Variants in SUPT6H observed in about 807,000 individuals in gnomAD.
SUPT6H encodes transcription elongation factor SPT6.
Under a neutral mutation model 222.3 loss-of-function variants are expected in SUPT6H, and 11 were observed. The ratio of observed to expected loss-of-function variants is 0.05; its 90% CI spans 0.03 to 0.08. The LOEUF (loss-of-function observed/expected upper bound fraction) is 0.08. SUPT6H is among the 10% of genes least tolerant of loss of function. SUPT6H has a pLI of 1.00. For missense variants in SUPT6H, 1,422 were observed against 2,216.0 expected (o/e 0.64, Z 7.19); for synonymous variants, 762 against 801.2 (o/e 0.95, Z 0.83).
intron 3 of SUPT6H, 22 bp downstream of exon 3, chr17:28,674,463 C>G (rs1358786784): frequency 6.2e-7 from 1 of 1,614,158 alleles, no homozygotes; most frequent in Non-Finnish European, 8.5e-7. Flanking sequence ...GTCGTTGGCT[C>G]AAGTGAGGCT....
intron 6 of SUPT6H, among the ~76,000 whole-genome samples, chr17:28,675,687 T>C (rs753939726): frequency 1.7e-4 from 26 of 152,366 alleles, no homozygotes; most frequent in Middle Eastern, 6.8e-3. Context: ...CTAGGACTAC[T>C]GTGGGATTGG....
chr17:28,663,828 A>ATTTTTTCTTTTTTT (rs2072113996), intron 1 of SUPT6H, among the ~76,000 whole-genome samples: 1 of 38,374 alleles, frequency 2.6e-5, no homozygotes, highest in African/African-American at 9.6e-5. Context: ...TGCCCACTCC[A>ATTTTTTCTTTTTTT]TTTTTTTTTT....
At chr17:28,678,402 C>A in intron 9 of SUPT6H, 143 bp from the exon 10 acceptor site, 2 of 898,220 alleles carry the variant, frequency 2.2e-6, no homozygotes, top group South Asian at 1.5e-5. Flanking sequence ...AAGCACCAGG[C>A]CCTGGAAGGG....
At chr17:28,675,541 AAGG>A in intron 6 of SUPT6H, 56 bp downstream of exon 6, 8 of 1,591,412 alleles carry the variant, frequency 5.0e-6, no homozygotes, top group South Asian at 1.1e-5. Context: ...CCCAGTCAGG[AAGG>A]AGGAGATCAG....
chr17:28,676,440 C>T lies in SUPT6H; in HGVS notation c.897+10C>T, dbSNP rs1449821369. The T allele has an allele frequency of 1.2e-6, 2 of 1,613,344 alleles. No individual in the cohort carries two copies. Among genetic ancestry groups the T allele is most frequent in the South Asian group, 1.1e-5 (1 of 91,054 alleles). ...GCCTGAGAGGTTCCAGGTAAAAAAC[C>T]ACCAGCCTCTGCTCTTCTACCAATC... On this transcript the variant is annotated intron_variant, in intron 7 of 36. Coordinates refer to ENST00000314616, the MANE Select transcript of SUPT6H (RefSeq NM_003170.5).
At chr17:28,678,339 G>T in intron 9 of SUPT6H, 147 bp downstream of exon 9, 1 of 864,484 alleles carries the variant, frequency 1.2e-6, no homozygotes. Flanking sequence ...AGACCCTAGT[G>T]ATCGTAAGAA....
At chr17:28,692,010 C>T (rs2031677764) in intron 27 of SUPT6H, among the ~76,000 whole-genome samples, 1 of 151,444 alleles carries the variant, frequency 6.6e-6, no homozygotes, top group Admixed American at 6.6e-5. Flanking sequence ...ATAGCAAGAC[C>T]CCATCTCCTT....
At chr17:28,683,205 C>G in intron 15 of SUPT6H, 63 bp from the exon 16 acceptor site, 1 of 1,585,288 alleles carries the variant, frequency 6.3e-7, no homozygotes, top group Non-Finnish European at 8.6e-7. Flanking sequence ...GAAAGGCTGT[C>G]TTTTCTCCTG....
chr17:28,699,977 C>G (rs2032066864), intron 33 of SUPT6H, 84 bp downstream of exon 33: 1 of 1,429,402 alleles, frequency 7.0e-7, no homozygotes, highest in African/African-American at 1.4e-5. Context: ...CCTAGGGGAC[C>G]AGGTGAGGAG....
Position 28,688,046 on chromosome 17 carries a change from T to G in SUPT6H, c.3007-45T>G, listed in dbSNP as rs1260740514. The G allele has an allele frequency of 1.2e-5, 19 of 1,545,688 alleles. No individual in the cohort carries two copies. The highest frequency in any genetic ancestry group is 1.7e-5 in the Non-Finnish European group (19 of 1,144,110). On this transcript the variant is annotated intron_variant, in intron 23 of 36. Coordinates refer to ENST00000314616, the MANE Select transcript of SUPT6H (RefSeq NM_003170.5). The surrounding 1 kb of genome is among the most constrained non-coding windows in gnomAD (Gnocchi z 4.3). ...TAGAGACTGGAACAGTCTGGGGAGG[T>G]GGGGCCTGCTTACTGCCCTGGCTCA...
Position 28,675,504 on chromosome 17 carries a change from A to G in SUPT6H, c.623+19A>G, listed in dbSNP as rs1224699014. 1.9e-6 allele frequency: 3 copies of G among 1,613,650 alleles called. No homozygotes were observed. The highest frequency in any genetic ancestry group is 2.5e-6 in the Non-Finnish European group (3 of 1,179,560). ...CAGACGCGTGAGTGGGGTCTGGTAC[A>G]AGGTGGGGATAAAGTGATTGAGTGG... is the stretch of plus-strand genomic sequence containing the variant. On this transcript the variant is annotated intron_variant, in intron 6 of 36. Coordinates refer to ENST00000314616, the MANE Select transcript of SUPT6H (RefSeq NM_003170.5).
At chr17:28,689,215 A>T (rs2031531935) in intron 24 of SUPT6H, 139 bp from the exon 25 acceptor site, 3 of 716,772 alleles carry the variant, frequency 4.2e-6, no homozygotes, top group African/African-American at 1.8e-5. Context: ...GATCTACCTC[A>T]TTCTTGTTAA....
Position 28,700,189 on chromosome 17 carries a change from C to T in SUPT6H, c.4578C>T (p.Ser1526=), listed in dbSNP as rs554845772. The T allele has an allele frequency of 1.2e-5, 19 of 1,614,230 alleles. No homozygotes were observed. In the South Asian group the frequency reaches 1.3e-4, roughly 11 times the overall value. The change falls in exon 34 of 37, where the codon AGC becomes AGT. Residue 1526 remains serine (S), a synonymous_variant. Transcript: ENST00000314616. ...QDPVPGITPS[S]SSRTRTPASI... ...TTCCTGCAGGCATCACCCCTAGCAGCAGCAGCAGGACCCGGACACCTGCCT... is the reference window on the plus strand; with the variant it reads ...TTCCTGCAGGCATCACCCCTAGCAGTAGCAGCAGGACCCGGACACCTGCCT...
intron 4 of SUPT6H, 146 bp downstream of exon 4, chr17:28,674,759 AT>A (rs2030638018): frequency 2.2e-6 from 2 of 905,330 alleles, no homozygotes; most frequent in Admixed American, 4.7e-5. Context: ...CGGAGCCTAG[AT>A]TTGCATCCCA....
chr17:28,701,469 A>G lies in SUPT6H; in HGVS notation c.5025A>G (p.Gly1675=), dbSNP rs775873545. The change falls in exon 37 of 37, where the codon GGA becomes GGG. Residue 1675 remains glycine, a synonymous_variant. Transcript: ENST00000314616. ...ACAGCCATGCAGCCATCGACTGGGG[A>G]AAAATGGCGGAGCAGTGGCTGCAGG... ...KSNSHAAIDW[G]KMAEQWLQEK... 8 of 1,613,916 alleles carry G rather than the reference A, an allele frequency of 5.0e-6. No individual in the cohort carries two copies. The Admixed American group carries it at 1.2e-4, about 24-fold the overall frequency.
chr17:28,695,632 G>A lies in SUPT6H; in HGVS notation c.3970+85G>A, dbSNP rs2031870051. 6 of 1,444,338 alleles carry A rather than the reference G, an allele frequency of 4.2e-6. No homozygotes were observed. The Admixed American group carries it at 1.1e-4, about 25-fold the overall frequency. 89.5% of individuals were successfully genotyped at this position (1,444,338 alleles called of 1,614,324 possible). ...GATTCAGGCCACAGGATGCACATGT[G>A]TCAGTCTCCCAGTGGAAGTGGGGAC... On this transcript the variant is annotated intron_variant, in intron 29 of 36. Coordinates refer to ENST00000314616, the MANE Select transcript of SUPT6H (RefSeq NM_003170.5).
At chr17:28,683,489 GCC>G in intron 16 of SUPT6H, 67 bp downstream of exon 16, 2 of 1,598,906 alleles carry the variant, frequency 1.3e-6, no homozygotes, top group South Asian at 2.2e-5. Context: ...GGAGGGAAGG[GCC>G]CCTCAGGAGT....
At position 28,686,966 on chromosome 17, in the gene SUPT6H, G is replaced by T. The variant is rs972449942; in HGVS notation, c.2701-122G>T. Reference sequence around the variant, plus strand: ...ATTGGGAGTCCCAGAAATTAAATCGGTCTCAGGAAAAAAGATCCCAGAGAA... The same window carrying T: ...ATTGGGAGTCCCAGAAATTAAATCGTTCTCAGGAAAAAAGATCCCAGAGAA... On this transcript the variant is annotated intron_variant, in intron 21 of 36. Coordinates refer to ENST00000314616, the MANE Select transcript of SUPT6H (RefSeq NM_003170.5). 7 of 1,501,690 alleles carry T rather than the reference G, an allele frequency of 4.7e-6. No individual in the cohort carries two copies. The Admixed American group carries it at 6.3e-5, about 14-fold the overall frequency. 93.0% of individuals were successfully genotyped at this position (1,501,690 alleles called of 1,614,324 possible).
intron 19 of SUPT6H, among the ~76,000 whole-genome samples, chr17:28,685,461 TTTA>T (rs919060257): frequency 2.5e-3 from 335 of 135,170 alleles, no homozygotes; most frequent in Admixed American, 5.5e-3. Flanking sequence ...TTTTTTAAAT[TTTA>T]TTATTATCAT....
Sources: gnomAD v4.1 joint callset for allele counts (sites outside exome capture counted in the v4.1 genomes callset) on GRCh38, gnomAD v4.1.1 for gene constraint, Gnocchi (gnomAD v3.1) non-coding constraint, MANE v1.5 for transcripts, NCBI Gene and HGNC (gene_info 2026-07-23, HGNC 2026-07-21) for gene names.